PARP2: variants seen among roughly 807,000 people sequenced by gnomAD.
The protein encoded by PARP2 is poly(ADP-ribose) polymerase 2.
A neutral mutation model predicts 77.8 loss-of-function variants in PARP2; 57 were observed. That is an observed-to-expected ratio of 0.73 (90% CI 0.59 to 0.91). The LOEUF is 0.91. Among genes scored for constraint, PARP2 ranks in the 40% least tolerant of loss-of-function variants. The probability of loss-of-function intolerance (pLI) is 0.00; values close to 1 mark genes in which losing one functional copy is unlikely to be tolerated. For synonymous variants in PARP2, 226 were observed against 242.6 expected (o/e 0.93, Z 0.64); for missense variants, 651 against 689.0 (o/e 0.94, Z 0.62).
intron 3 of PARP2, 40 bp from the exon 4 acceptor site, chr14:20,346,823 C>CCTATA (rs910978246): frequency 2.2e-6 from 3 of 1,379,868 alleles, no homozygotes; most frequent in Non-Finnish European, 3.1e-6. Flanking sequence ...CAGGGCTGAA[C>CCTATA]CTATACTAAT....
chr14:20,356,116 A>G, intron 11 of PARP2, 85 bp downstream of exon 11: 1 of 1,515,608 alleles, frequency 6.6e-7, no homozygotes, highest in Admixed American at 2.0e-5. Context: ...CTTCTTGTCA[A>G]GAGCAAATTG....
At chr14:20,357,328 T>C in intron 14 of PARP2, 68 bp from the exon 15 acceptor site, 12 of 1,540,934 alleles carry the variant, frequency 7.8e-6, no homozygotes, top group Non-Finnish European at 1.1e-5. Context: ...GATGGGATTT[T>C]CTGTTTGGCT....
Position 20,357,794 on chromosome 14 carries a change from G to A in PARP2, c.1710G>A (p.Trp570Ter). ...LKVQFNFLQL[W>*] ...TTCAGTTTAATTTCCTTCAGCTGTG[G>A]TGAATGTTGATATTAAATAAACCAG... Residue 570 changes from tryptophan (W) to a stop codon, truncating the protein, a stop_gained, in exon 16 of 16, where the codon TGG becomes TGA. Coordinates refer to ENST00000429687, the MANE Select transcript of PARP2 (RefSeq NM_001042618.2). LOFTEE classifies it high-confidence loss of function. The A allele has an allele frequency of 6.2e-7, 1 of 1,612,254 alleles. No homozygotes were observed. Among genetic ancestry groups the A allele is most frequent in the East Asian group, 2.2e-5 (1 of 44,882 alleles).
At chr14:20,350,988 T>G (rs1883932970) in intron 5 of PARP2, 59 bp from the exon 6 acceptor site, 1 of 1,306,482 alleles carries the variant, frequency 7.7e-7, no homozygotes. Flanking sequence ...CAGAGAGATC[T>G]TGGAGAGCTG....
At position 20,345,342 on chromosome 14, in the gene PARP2, A is replaced by G; in HGVS notation, c.203-52A>G. 4 of 1,486,674 alleles carry G rather than the reference A, an allele frequency of 2.7e-6. No individual in the cohort carries two copies. The South Asian group carries it at 4.6e-5, about 17-fold the overall frequency. The allele number at this position is 1,486,674 out of a possible 1,614,324, so 92.1% of individuals were successfully genotyped here. A position where few individuals can be genotyped will look rare whatever the true frequency, so the allele number is the denominator to read the frequency against. The stretch of plus-strand genomic sequence containing the variant: ...AATCCTGACAAGTTTCTGTTTTACC[A>G]CAACAGCTGTTTTTGATTCCCATAA... On this transcript the variant is annotated intron_variant, in intron 2 of 15. Transcript: ENST00000429687.
chr14:20,343,830 A>C (rs1883607323), intron 1 of PARP2, 143 bp downstream of exon 1: 1 of 863,756 alleles, frequency 1.2e-6, no homozygotes, highest in African/African-American at 1.7e-5. Flanking sequence ...TAAATTTTGT[A>C]AATTTCGGTT....
chr14:20,350,306 C>T (rs1883909099), intron 4 of PARP2, among the ~76,000 whole-genome samples: 1 of 152,180 alleles, frequency 6.6e-6, no homozygotes, highest in Non-Finnish European at 1.5e-5. Context: ...TTTTAGGAAG[C>T]TTCTAGGCTC....
intron 2 of PARP2, 60 bp from the exon 3 acceptor site, chr14:20,345,334 G>A: frequency 6.9e-7 from 1 of 1,457,252 alleles, no homozygotes; most frequent in African/African-American, 1.4e-5. Flanking sequence ...ACAAGTTTCT[G>A]TTTTACCACA....
At position 20,354,895 on chromosome 14, in the gene PARP2, G is replaced by A; in HGVS notation, c.850G>A (p.Ala284Thr). The A allele has an allele frequency of 6.2e-7, 1 of 1,613,916 alleles. No homozygotes were observed. The highest frequency in any genetic ancestry group is 8.5e-7 in the Non-Finnish European group (1 of 1,179,920). ...TATTCGGGCTGGCCAGCATGGACGA[G>A]CTCTCATGGAAGCATGCAATGAATT... ...DCIRAGQHGR[A>T]LMEACNEFYT... Residue 284 changes from alanine (A) to threonine (T), a missense_variant, in exon 9 of 16, where the codon GCT becomes ACT. Transcript: ENST00000429687.
At chr14:20,356,120 C>T in intron 11 of PARP2, 89 bp downstream of exon 11, 1 of 1,497,858 alleles carries the variant, frequency 6.7e-7, no homozygotes, top group African/African-American at 1.4e-5. Context: ...TTGTCAAGAG[C>T]AAATTGTCAA....
At position 20,350,663 on chromosome 14, in the gene PARP2, A is replaced by C. The variant is rs763767108; in HGVS notation, c.421+41A>C. ...GAGATTTTATGAGTTGGCATTCAGA[A>C]AGTCAGAAGCAGCTTAGTGGGTGGC... On this transcript the variant is annotated intron_variant, in intron 5 of 15. Transcript: ENST00000429687. The C allele has an allele frequency of 3.8e-6, 5 of 1,320,766 alleles. No individual in the cohort carries two copies. The East Asian group carries it at 1.1e-4, about 30-fold the overall frequency. The allele number at this position is 1,320,766 out of a possible 1,614,324, so 81.8% of individuals were successfully genotyped here. A position where few individuals can be genotyped will look rare whatever the true frequency, so the allele number is the denominator to read the frequency against.
intron 4 of PARP2, among the ~76,000 whole-genome samples, chr14:20,349,576 G>C (rs1260628640): frequency 6.6e-6 from 1 of 151,876 alleles, no homozygotes; most frequent in Admixed American, 6.6e-5. Context: ...GGGAGGCTGA[G>C]GCACAAGAAA....
chr14:20,356,866 C>T (rs1468129928), intron 13 of PARP2, 177 bp downstream of exon 13: 1 of 675,674 alleles, frequency 1.5e-6, no homozygotes, highest in Non-Finnish European at 2.6e-6. Flanking sequence ...AAAGATACCT[C>T]ACCTTTCCCT....
chr14:20,356,710 G>T, intron 13 of PARP2, 21 bp downstream of exon 13: 1 of 1,548,012 alleles, frequency 6.5e-7, no homozygotes, highest in South Asian at 1.1e-5. Flanking sequence ...TTGAACTCTG[G>T]GAGGAGCACA....
chr14:20,354,198 G>A lies in PARP2; in HGVS notation c.714G>A (p.Met238Ile), dbSNP rs1334705332. The stretch of plus-strand genomic sequence containing the variant: ...AGTTGATCTGTAATGTTCAGGCCAT[G>A]GAAGAAATGATGATGGAAATGAAGT... ...LIKLICNVQA[M>I]EEMMMEMKYN... is the part of the protein sequence containing the mutation. The change falls in exon 8 of 16, where the codon ATG becomes ATA. Residue 238 changes from methionine (M) to isoleucine (I), a missense_variant. By Grantham distance (10) the Met-to-Ile change is conservative (BLOSUM62 1). Transcript: ENST00000429687. 6.2e-7 allele frequency: 1 copy of A among 1,613,878 alleles called. No homozygotes were observed. The highest frequency in any genetic ancestry group is 1.1e-5 in the South Asian group (1 of 91,078).
intron 6 of PARP2, 100 bp from the exon 7 acceptor site, chr14:20,352,145 A>C (rs985914321): frequency 3.1e-6 from 2 of 650,024 alleles, no homozygotes; most frequent in Non-Finnish European, 5.5e-6. Flanking sequence ...AAAGGAGCTC[A>C]GTGCTGGAAA....
chr14:20,347,354 G>GTTTATATATATATA (rs1883771350), intron 4 of PARP2, among the ~76,000 whole-genome samples: 4 of 43,956 alleles, frequency 9.1e-5, no homozygotes, highest in African/African-American at 1.8e-4. Flanking sequence ...ATATGTGTGT[G>GTTTATATATATATA]TGTATATATA....
At position 20,352,337 on chromosome 14, in the gene PARP2, C is replaced by T; in HGVS notation, c.590C>T (p.Thr197Ile). ...GATATGCTACAGATGGACTATGCCA[C>T]CAATACTCAGGTAACTCTCACTATA... is the stretch of plus-strand genomic sequence containing the variant. ...KYDMLQMDYA[T>I]NTQDEEETKK... Residue 197 changes from threonine to isoleucine, a missense_variant, in exon 7 of 16, where the codon ACC becomes ATC. Coordinates refer to ENST00000429687, the MANE Select transcript of PARP2 (RefSeq NM_001042618.2). 1.3e-6 allele frequency: 2 copies of T among 1,575,892 alleles called. No homozygotes were observed. The highest frequency in any genetic ancestry group is 1.7e-6 in the Non-Finnish European group (2 of 1,145,808).
intron 7 of PARP2, 22 bp downstream of exon 7, chr14:20,352,369 G>C (rs774241807): frequency 5.8e-6 from 8 of 1,372,114 alleles, no homozygotes; most frequent in Non-Finnish European, 8.3e-6. Flanking sequence ...TATACTTTTC[G>C]AAAGAAACAC....
Sources: allele counts gnomAD v4.1 joint callset (sites outside exome capture counted in the v4.1 genomes callset), GRCh38; gene constraint gnomAD v4.1.1; transcripts MANE v1.5; gene names NCBI Gene and HGNC (gene_info 2026-07-23, HGNC 2026-07-21).